Variants in DNAI1 observed in about 807,000 individuals in gnomAD.
The protein encoded by DNAI1 is dynein axonemal intermediate chain 1.
A neutral mutation model predicts 92.0 loss-of-function variants in DNAI1; 67 were observed. The ratio of observed to expected loss-of-function variants is 0.73; its 90% confidence interval spans 0.60 to 0.89. The LOEUF is 0.89. Ranked by LOEUF, DNAI1 falls within the 40% of genes least tolerant of loss-of-function variation. The pLI is 0.00. For synonymous variants in DNAI1, 323 were observed against 319.6 expected (o/e 1.01, Z -0.11); for missense variants, 839 against 866.6 (o/e 0.97, Z 0.40).
At chr9:34,500,272 G>A (rs1824802275) in intron 10 of DNAI1, among the ~76,000 whole-genome samples, 1 of 152,244 alleles carries the variant, frequency 6.6e-6, no homozygotes, top group South Asian at 2.1e-4. Flanking sequence ...CTTGGCTGTG[G>A]ATATGAAAAT....
chr9:34,459,229 C>T (rs1823891651), intron 1 of DNAI1, among the ~76,000 whole-genome samples, 176 bp downstream of exon 1: 1 of 152,094 alleles, frequency 6.6e-6, no homozygotes, highest in South Asian at 2.1e-4. Flanking sequence ...CTCTTTCCCA[C>T]TAATCCCGGC....
intron 1 of DNAI1, among the ~76,000 whole-genome samples, chr9:34,465,129 G>A (rs1824013866): frequency 6.6e-6 from 1 of 152,188 alleles, no homozygotes; most frequent in Admixed American, 6.5e-5. Flanking sequence ...CCTTGGAAAG[G>A]ACAATTTCAG....
chr9:34,490,685 G>A (rs1346467662), intron 7 of DNAI1, among the ~76,000 whole-genome samples, 197 bp downstream of exon 7: 1 of 152,222 alleles, frequency 6.6e-6, no homozygotes, highest in Non-Finnish European at 1.5e-5. Context: ...AGTTTAGAGG[G>A]AGTAACATGG....
intron 13 of DNAI1, among the ~76,000 whole-genome samples, chr9:34,509,360 T>G (rs932798741): frequency 4.6e-5 from 7 of 152,150 alleles, no homozygotes; most frequent in Non-Finnish European, 1.0e-4. Flanking sequence ...CACTTATCTA[T>G]TAAGTTAAGA....
intron 1 of DNAI1, among the ~76,000 whole-genome samples, chr9:34,479,842 C>A (rs1040510548): frequency 2.0e-5 from 3 of 152,148 alleles, no homozygotes; most frequent in Admixed American, 1.3e-4. Context: ...CAATCCCAGC[C>A]CAAGATGAGA....
intron 12 of DNAI1, among the ~76,000 whole-genome samples, chr9:34,502,369 C>T (rs1053796581): frequency 2.6e-5 from 4 of 152,214 alleles, no homozygotes; most frequent in Admixed American, 6.5e-5. Context: ...GCTACTGGGC[C>T]TGGAACAGGG....
chr9:34,482,325 G>A (rs1452037181), intron 1 of DNAI1, among the ~76,000 whole-genome samples: 1 of 150,344 alleles, frequency 6.7e-6, no homozygotes, highest in African/African-American at 2.5e-5. Flanking sequence ...CAAACCTTGA[G>A]CTAAACACAG....
intron 7 of DNAI1, among the ~76,000 whole-genome samples, chr9:34,491,133 T>A (rs1423433748): frequency 2.0e-5 from 3 of 152,198 alleles, no homozygotes; most frequent in Non-Finnish European, 4.4e-5. Flanking sequence ...TAGAGAGGCC[T>A]TCTCAGGGCA....
chr9:34,511,472 G>A (rs2132080681), intron 13 of DNAI1, among the ~76,000 whole-genome samples: 1 of 152,220 alleles, frequency 6.6e-6, no homozygotes, highest in African/African-American at 2.4e-5. Flanking sequence ...GGCCAAGCCT[G>A]GAAGAGGTGG....
chr9:34,504,337 G>A (rs1824885129), intron 12 of DNAI1, among the ~76,000 whole-genome samples: 1 of 152,184 alleles, frequency 6.6e-6, no homozygotes, highest in South Asian at 2.1e-4. Flanking sequence ...CACTAATTAA[G>A]CAGTGTTAAT....
In DNAI1 at chr9:34,497,143, C is replaced by A. The variant is rs1367711266; in HGVS notation, c.845C>A (p.Ala282Asp). Residue 282 changes from alanine (A) to aspartate (D), a missense_variant, in exon 10 of 20, where the codon GCT becomes GAT. Physicochemically the swap from Ala to Asp is moderately radical, Grantham distance 126. Transcript: ENST00000242317. Reference protein sequence around the residue: ...QTDDLIKLSQAAKIMERMVNQ... With the variant: ...QTDDLIKLSQDAKIMERMVNQ... ...GATGATCTCATCAAATTGTCCCAAG[C>A]TGCTAAGATCATGGAGCGGATGGTC... The A allele has an allele frequency of 9.9e-6, 16 of 1,614,132 alleles. No individual in the cohort carries two copies. Among genetic ancestry groups the A allele is most frequent in the Admixed American group, 1.7e-5 (1 of 60,022 alleles).
chr9:34,498,623 T>G (rs891891760), intron 10 of DNAI1, among the ~76,000 whole-genome samples: 7 of 152,246 alleles, frequency 4.6e-5, no homozygotes, highest in Non-Finnish European at 1.0e-4. Context: ...ATCCTTCCCA[T>G]GGCATGAACA....
chr9:34,503,941 G>A (rs982685991), intron 12 of DNAI1, among the ~76,000 whole-genome samples: 2 of 152,202 alleles, frequency 1.3e-5, no homozygotes, highest in African/African-American at 4.8e-5. Context: ...GGGATGCAAT[G>A]ATGTCAGCCG....
chr9:34,481,374 A>T (rs1284714084), intron 1 of DNAI1, among the ~76,000 whole-genome samples: 1 of 152,164 alleles, frequency 6.6e-6, no homozygotes, highest in Non-Finnish European at 1.5e-5. Context: ...CTTGGTCGTG[A>T]TCTTCATGGG....
chr9:34,484,194 G>A (rs1824428499), intron 2 of DNAI1, among the ~76,000 whole-genome samples: 1 of 152,148 alleles, frequency 6.6e-6, no homozygotes, highest in Non-Finnish European at 1.5e-5. Context: ...CAGCTTGGGT[G>A]ACAGAGAAAG....
intron 10 of DNAI1, among the ~76,000 whole-genome samples, chr9:34,498,247 G>A (rs779171000): frequency 6.6e-6 from 1 of 152,222 alleles, no homozygotes; most frequent in Non-Finnish European, 1.5e-5. Flanking sequence ...ATTGTGCTAT[G>A]CAATTTACAT....
At position 34,513,197 on chromosome 9, in the gene DNAI1, G is replaced by A; in HGVS notation, c.1569+6G>A. 1 of 1,612,776 alleles carries A rather than the reference G, an allele frequency of 6.2e-7. No homozygotes were observed. Among genetic ancestry groups the A allele is most frequent in the Non-Finnish European group, 8.5e-7 (1 of 1,178,746 alleles). On this transcript the variant is annotated splice_donor_region_variant and intron_variant, in intron 16 of 19. Transcript: ENST00000242317. The stretch of plus-strand genomic sequence containing the variant: ...AGGAGGGAAAAATCTACAAGGTGAG[G>A]CTGCCCTGTGCCAGCTCCTTAGAAG...
intron 13 of DNAI1, among the ~76,000 whole-genome samples, chr9:34,511,600 T>C (rs1009348228): frequency 2.6e-5 from 4 of 152,210 alleles, no homozygotes; most frequent in Non-Finnish European, 5.9e-5. Flanking sequence ...TTAGCTAACA[T>C]GTATCGAATA....
rs765804042 is a variant in DNAI1, at chr9:34,517,372, C to A, written c.1906C>A (p.Gln636Lys). 1.2e-6 allele frequency: 2 copies of A among 1,614,100 alleles called. No homozygotes were observed. The highest frequency in any genetic ancestry group is 4.5e-5 in the East Asian group (2 of 44,888). The change falls in exon 19 of 20, where the codon CAG (glutamine) becomes AAG (lysine). Residue 636 changes from glutamine to lysine, a missense_variant. Coordinates refer to ENST00000242317, the MANE Select transcript of DNAI1 (RefSeq NM_012144.4). ...CAAAAAGAACAGGCTCACCCACGTGCAGTTCAATCTCATCCACCCCATCAT... is the reference window on the plus strand; with the variant it reads ...CAAAAAGAACAGGCTCACCCACGTGAAGTTCAATCTCATCCACCCCATCAT... ...AAKKNRLTHV[Q>K]FNLIHPIIIV...
Sources: gnomAD v4.1 joint callset for allele counts (sites outside exome capture counted in the v4.1 genomes callset) on GRCh38, gnomAD v4.1.1 for gene constraint, MANE v1.5 for transcripts, NCBI Gene and HGNC (gene_info 2026-07-23, HGNC 2026-07-21) for gene names.